Variants in PHF24 observed in about 807,000 individuals in gnomAD.
PHF24 encodes the protein Galpha inhibitory interacting protein.
PHF24 carries 25 observed loss-of-function variants against 42.6 expected under a neutral mutation model. The observed-to-expected ratio is 0.59, with a 90% CI of 0.43 to 0.82. The LOEUF is 0.82. Among genes scored for constraint, PHF24 ranks in the 40% least tolerant of loss-of-function variants. PHF24 has a pLI of 0.00. For missense variants in PHF24, 470 were observed against 538.1 expected, an observed-to-expected ratio of 0.87 and a Z score of 1.25; for synonymous variants, 185 against 204.8, an observed-to-expected ratio of 0.90 and a Z score of 0.83.
the PHF24 span, among the ~76,000 whole-genome samples, chr9:34,780,716 C>T: frequency 6.6e-6 from 1 of 152,082 alleles, no homozygotes; most frequent in Non-Finnish European, 1.5e-5. Flanking sequence ...TGACAAAAGC[C>T]CAGCATTCAG....
chr9:34,880,227 T>A, the PHF24 span, among the ~76,000 whole-genome samples: 1 of 152,172 alleles, frequency 6.6e-6, no homozygotes, highest in Admixed American at 6.5e-5. Flanking sequence ...GAACAACCGG[T>A]ACCAGCCACT....
the PHF24 span, among the ~76,000 whole-genome samples, chr9:34,795,677 A>G: frequency 2.0e-5 from 3 of 152,180 alleles, no homozygotes; most frequent in Non-Finnish European, 4.4e-5. Context: ...CTTACTATAA[A>G]ACTACATTAA....
chr9:34,907,665 T>G, the PHF24 span, among the ~76,000 whole-genome samples: 2 of 152,326 alleles, frequency 1.3e-5, no homozygotes, highest in Admixed American at 6.5e-5. Flanking sequence ...ATGCCATCTT[T>G]TCTTTCATCC....
the PHF24 span, among the ~76,000 whole-genome samples, chr9:34,756,494 G>C: frequency 6.6e-5 from 10 of 152,196 alleles, no homozygotes; most frequent in East Asian, 1.5e-3. Flanking sequence ...GTATGTTCCT[G>C]GTGCTTTTGT....
the PHF24 span, among the ~76,000 whole-genome samples, chr9:34,905,489 G>A: frequency 6.6e-6 from 1 of 152,186 alleles, no homozygotes; most frequent in Non-Finnish European, 1.5e-5. Flanking sequence ...GAAATAATAG[G>A]TATCTATACA....
chr9:34,705,159 A>G, the PHF24 span, among the ~76,000 whole-genome samples: 2 of 152,172 alleles, frequency 1.3e-5, no homozygotes, highest in Admixed American at 6.5e-5. Flanking sequence ...ATTCACGAAT[A>G]AGACATTAGA....
At chr9:34,751,606 G>C in the PHF24 span, among the ~76,000 whole-genome samples, 2 of 152,146 alleles carry the variant, frequency 1.3e-5, no homozygotes, top group African/African-American at 4.8e-5. Context: ...AATAGCTGGA[G>C]ACTTTAACAC....
At chr9:34,825,593 G>A in the PHF24 span, among the ~76,000 whole-genome samples, 830 of 134,630 alleles carry the variant, frequency 6.2e-3, 2 homozygotes, top group Non-Finnish European at 7.7e-3. Context: ...GCTCGAGCAT[G>A]TCTGATGCAG....
intron 3 of PHF24, among the ~76,000 whole-genome samples, chr9:34,974,660 G>T: frequency 6.6e-6 from 1 of 151,764 alleles, no homozygotes; most frequent in Admixed American, 6.6e-5. Context: ...TTCTCACTGC[G>T]CCCTCTTTGG....
the PHF24 span, among the ~76,000 whole-genome samples, chr9:34,748,963 C>A: frequency 5.1e-4 from 78 of 151,956 alleles, no homozygotes; most frequent in African/African-American, 1.8e-3. Flanking sequence ...CAATATAACA[C>A]AGAGAAAAAA....
At chr9:34,903,156 T>C in the PHF24 span, among the ~76,000 whole-genome samples, 3 of 152,282 alleles carry the variant, frequency 2.0e-5, no homozygotes, top group African/African-American at 7.2e-5. Context: ...GATAAAAAGG[T>C]TGATTCTAAA....
At chr9:34,907,075 C>T in the PHF24 span, among the ~76,000 whole-genome samples, 2 of 152,148 alleles carry the variant, frequency 1.3e-5, no homozygotes, top group African/African-American at 4.8e-5. Flanking sequence ...GATCCTCCCT[C>T]CTTGGCCTCC....
chr9:34,875,806 C>T, the PHF24 span, among the ~76,000 whole-genome samples: 1 of 151,884 alleles, frequency 6.6e-6, no homozygotes, highest in Non-Finnish European at 1.5e-5. Flanking sequence ...ACATCTGGTG[C>T]TCATGAGGCA....
the PHF24 span, among the ~76,000 whole-genome samples, chr9:34,731,329 A>G: frequency 1.3e-5 from 2 of 152,178 alleles, no homozygotes; most frequent in African/African-American, 4.8e-5. Flanking sequence ...ATAAATTATT[A>G]TTGACTGTAA....
the PHF24 span, among the ~76,000 whole-genome samples, chr9:34,800,756 G>A: frequency 6.6e-6 from 1 of 152,160 alleles, no homozygotes; most frequent in South Asian, 2.1e-4. Context: ...ACCTAGGCAT[G>A]GGCAAAGGCT....
At chr9:34,933,798 G>C in the PHF24 span, among the ~76,000 whole-genome samples, 1 of 151,186 alleles carries the variant, frequency 6.6e-6, no homozygotes, top group Non-Finnish European at 1.5e-5. Flanking sequence ...TTTTGAGACA[G>C]AGTCTCGCTC....
chr9:34,761,427 T>C, the PHF24 span, among the ~76,000 whole-genome samples: 1 of 152,086 alleles, frequency 6.6e-6, no homozygotes, highest in Non-Finnish European at 1.5e-5. Context: ...CATACTGATA[T>C]AGAGCTTACA....
chr9:34,869,027 C>T, the PHF24 span, among the ~76,000 whole-genome samples: 3 of 152,130 alleles, frequency 2.0e-5, no homozygotes, highest in African/African-American at 4.8e-5. Context: ...TTCCTGCGTT[C>T]GTTTGCTGAG....
At chr9:34,752,935 CAT>C in the PHF24 span, among the ~76,000 whole-genome samples, 1 of 152,104 alleles carries the variant, frequency 6.6e-6, no homozygotes. Flanking sequence ...AGGACCAAAT[CAT>C]GTGATCATTT....
Sources: gnomAD v4.1 joint callset for allele counts (sites outside exome capture counted in the v4.1 genomes callset) on GRCh38, gnomAD v4.1.1 for gene constraint, MANE v1.5 for transcripts, NCBI Gene and HGNC (gene_info 2026-07-23, HGNC 2026-07-21) for gene names.